PRSS12: variants seen among roughly 807,000 people sequenced by gnomAD.
PRSS12 encodes neurotrypsin.
Under a neutral mutation model 104.4 loss-of-function variants are expected in PRSS12, and 85 were observed. That is an observed-to-expected ratio of 0.81 (90% confidence interval 0.68 to 0.98). The LOEUF (loss-of-function observed/expected upper bound fraction) is 0.98, where lower values mean the gene tolerates loss of function less well. Ranked by LOEUF, PRSS12 falls within the 50% of genes least tolerant of loss-of-function variation. PRSS12 has a pLI of 0.00. For missense variants in PRSS12, 1,141 were observed against 1,139.2 expected (o/e 1.00, Z -0.02); for synonymous variants, 454 against 425.2 (o/e 1.07, Z -0.83).
chr4:118,297,665 T>A (rs921067616), intron 9 of PRSS12, among the ~76,000 whole-genome samples: 1 of 152,176 alleles, frequency 6.6e-6, no homozygotes, highest in Middle Eastern at 3.4e-3. Flanking sequence ...TGGCAGTTAT[T>A]AAAAGGTGTT....
chr4:118,301,532 A>C (rs1485963679), intron 8 of PRSS12, among the ~76,000 whole-genome samples: 2 of 151,924 alleles, frequency 1.3e-5, no homozygotes, highest in Non-Finnish European at 1.5e-5. Context: ...ATGCACACCA[A>C]GAAAAATGAA....
intron 6 of PRSS12, among the ~76,000 whole-genome samples, chr4:118,314,185 C>T (rs1467138228): frequency 6.6e-6 from 1 of 152,046 alleles, no homozygotes; most frequent in African/African-American, 2.4e-5. Flanking sequence ...CTTTAAGACA[C>T]CTTTCAGTTC....
chr4:118,318,645 A>T, intron 4 of PRSS12, 89 bp from the exon 5 acceptor site: 1 of 1,274,158 alleles, frequency 7.8e-7, no homozygotes, highest in Non-Finnish European at 1.1e-6. Context: ...AAGCATTATT[A>T]TTAATCCCCA....
rs1220771443 is a variant in PRSS12 at position 118,298,818 on chromosome 4, A to G, written c.1752T>C (p.Ile584=). 1.9e-6 allele frequency: 3 copies of G among 1,614,152 alleles called. No homozygotes were observed. The highest frequency in any genetic ancestry group is 2.2e-5 in the East Asian group (1 of 44,880). The change falls in exon 9 of 13, where the codon ATT becomes ATC. Residue 584 remains isoleucine (I), a synonymous_variant. Coordinates refer to ENST00000296498, the MANE Select transcript of PRSS12 (RefSeq NM_003619.4). Reference sequence around the variant, plus strand: ...CACTGTGGCGGCAGTTGTGTCTTCCAATATCTTGCTTGATACAGTCAGCCA... The same window carrying G: ...CACTGTGGCGGCAGTTGTGTCTTCCGATATCTTGCTTGATACAGTCAGCCA... ...RSLADCIKQD[I]GRHNCRHSED...
chr4:118,297,067 A>G (rs1743270219), intron 9 of PRSS12, among the ~76,000 whole-genome samples: 1 of 152,214 alleles, frequency 6.6e-6, no homozygotes, highest in Non-Finnish European at 1.5e-5. Flanking sequence ...ATTTTTTAAA[A>G]GAAAAATGAA....
chr4:118,292,670 G>T (rs1560765391), intron 11 of PRSS12, among the ~76,000 whole-genome samples: 1 of 152,096 alleles, frequency 6.6e-6, no homozygotes, highest in African/African-American at 2.4e-5. Context: ...TGCCACTCAG[G>T]TAACACAGGA....
chr4:118,352,365 A>T lies in PRSS12; in HGVS notation c.356T>A (p.Leu119Gln), dbSNP rs1724533088. 1 of 1,563,848 alleles carries T rather than the reference A, an allele frequency of 6.4e-7. No individual in the cohort carries two copies. Among genetic ancestry groups the T allele is most frequent in the Non-Finnish European group, 8.6e-7 (1 of 1,160,644 alleles). Residue 119 changes from leucine (L) to glutamine (Q), a missense_variant, in exon 1 of 13, where the codon CTG (leucine) becomes CAG (glutamine). By Grantham distance (113) the Leu-to-Gln change is moderately radical (BLOSUM62 -2). Coordinates refer to ENST00000296498, the MANE Select transcript of PRSS12 (RefSeq NM_003619.4). ...CCAGCTCGCTGGGGGCGACCGCTCCAGGAAGGGTGGCACCTCCGCCCACCG... is the reference window on the plus strand; with the variant it reads ...CCAGCTCGCTGGGGGCGACCGCTCCTGGAAGGGTGGCACCTCCGCCCACCG... The part of the protein sequence containing the change: ...CLRWAEVPPF[L>Q]ERSPPASWAQ...
In PRSS12 at chr4:118,316,197, C is replaced by T. The variant is rs138640682; in HGVS notation, c.1277G>A (p.Arg426Gln). 6.6e-5 allele frequency: 106 copies of T among 1,613,948 alleles called. 1 individual carries two copies. Among genetic ancestry groups the T allele is most frequent in the East Asian group, 3.8e-4 (17 of 44,852 alleles). Residue 426 changes from arginine (R) to glutamine (Q), a missense_variant, in exon 6 of 13, where the codon CGA becomes CAA. Physicochemically the swap from Arg to Gln is conservative, Grantham distance 43 (BLOSUM62 1). Coordinates refer to ENST00000296498, the MANE Select transcript of PRSS12 (RefSeq NM_003619.4). ...TGAACCTTACTTAAATCCCAATTGTCGACAAACCACGTATGTATTCAGCTC... is the reference window on the plus strand; with the variant it reads ...TGAACCTTACTTAAATCCCAATTGTTGACAAACCACGTATGTATTCAGCTC... ...WTELNTYVVCRQLGFKYGKQA... is the reference protein window; with the variant it reads ...WTELNTYVVCQQLGFKYGKQA...
intron 11 of PRSS12, among the ~76,000 whole-genome samples, chr4:118,293,971 C>A (rs1243568482): frequency 6.6e-6 from 1 of 152,036 alleles, no homozygotes; most frequent in East Asian, 1.9e-4. Context: ...CAGCAACAGG[C>A]GAATAAATAA....
At chr4:118,312,118 C>T (rs2126033411) in intron 7 of PRSS12, among the ~76,000 whole-genome samples, 1 of 152,254 alleles carries the variant, frequency 6.6e-6, no homozygotes, top group African/African-American at 2.4e-5. Context: ...TGGTATAATG[C>T]TAGATTAATG....
Position 118,341,936 on chromosome 4 carries a change from A to G in PRSS12, c.503-3622T>C, listed in dbSNP as rs371979222. ...GTTAGAGTTCACCATCCTACTGAAAATACTGCAACTAATCCACCAAATCTT... is the reference window on the plus strand; with the variant it reads ...GTTAGAGTTCACCATCCTACTGAAAGTACTGCAACTAATCCACCAAATCTT... On this transcript the variant is annotated intron_variant, in intron 1 of 12. Transcript: ENST00000296498. Among the ~76,000 whole-genome samples the G allele has an allele frequency of 5.3e-5, 8 of 152,330 alleles. No homozygotes were observed. In the South Asian group the frequency reaches 1.7e-3, roughly 32 times the overall value.
At chr4:118,322,546 T>C (rs1443364807) in intron 4 of PRSS12, among the ~76,000 whole-genome samples, 1 of 107,472 alleles carries the variant, frequency 9.3e-6, no homozygotes, top group Non-Finnish European at 1.9e-5. Flanking sequence ...CGAGACTCCA[T>C]CTTAAAAAAA....
rs199585969 is a variant in PRSS12, at chr4:118,352,696, C to T, written c.25G>A (p.Ala9Thr). The T allele has an allele frequency of 2.8e-5, 45 of 1,613,168 alleles. No individual in the cohort carries two copies. Among genetic ancestry groups the T allele is most frequent in the Admixed American group, 8.3e-5 (5 of 60,012 alleles). The change falls in exon 1 of 13, where the codon GCC (alanine) becomes ACC (threonine). Residue 9 changes from alanine (A) to threonine (T), a missense_variant. Transcript: ENST00000296498. The stretch of plus-strand genomic sequence containing the variant: ...TCGGGGAGCGCCCCTAACATCAGGG[C>T]TAGCACGAAGCGGGCGAGCGTCATG... MTLARFVL[A>T]LMLGALPEVV... is the part of the protein sequence containing the mutation.
intron 9 of PRSS12, 40 bp from the exon 10 acceptor site, chr4:118,295,896 C>T (rs1236553776): frequency 6.5e-7 from 1 of 1,544,412 alleles, no homozygotes; most frequent in Admixed American, 1.7e-5. Flanking sequence ...TATCACATTG[C>T]TGACAGAGGG....
chr4:118,349,727 G>A (rs1488123078), intron 1 of PRSS12, among the ~76,000 whole-genome samples: 1 of 152,198 alleles, frequency 6.6e-6, no homozygotes, highest in Non-Finnish European at 1.5e-5. Flanking sequence ...ATGAGGCCGG[G>A]AGCGGTGGCT....
intron 1 of PRSS12, among the ~76,000 whole-genome samples, chr4:118,343,696 C>T (rs577447947): frequency 6.6e-6 from 1 of 152,208 alleles, no homozygotes; most frequent in African/African-American, 2.4e-5. Context: ...TTCAAGGTTA[C>T]GATGAGCTAT....
chr4:118,299,764 TTAAATAAAATAAAATA>T (rs1743353406), intron 8 of PRSS12, among the ~76,000 whole-genome samples: 438 of 82,014 alleles, frequency 5.3e-3, no homozygotes, highest in Admixed American at 6.9e-3. Flanking sequence ...ATAAATAAAA[TTAAATAAAATAAAATA>T]AAATAAAATA....
Position 118,281,625 on chromosome 4 carries a change from A to G in PRSS12, c.*311T>C. On this transcript the variant is annotated 3_prime_UTR_variant, in exon 13 of 13. Transcript: ENST00000296498. ...TAAAAGGGGTTCTCAGTTCAAATGT[A>G]AAAATGATCTTTTGTAAAATCAGCA... 2.5e-6 allele frequency: 1 copy of G among 396,346 alleles called. No individual in the cohort carries two copies. Among genetic ancestry groups the G allele is most frequent in the Admixed American group, 3.8e-5 (1 of 26,498 alleles). The allele number at this position is 396,346 out of a possible 1,614,324, so 24.6% of individuals were successfully genotyped here.
chr4:118,352,305 C>A lies in PRSS12; in HGVS notation c.416G>T (p.Arg139Leu), dbSNP rs369553634. The change falls in exon 1 of 13, where the codon CGG becomes CTG. Residue 139 changes from arginine (R) to leucine (L), a missense_variant. By Grantham distance (102) the Arg-to-Leu change is moderately radical (BLOSUM62 -2). Transcript: ENST00000296498. ...GGGTCTGCCCGCGCCGTCGGGGCTC[C>A]GACAAAAGTTGTGGCGCTGTCCTCG... ...QLRGQRHNFC[R>L]SPDGAGRPWC... is the part of the protein sequence containing the mutation. 1.9e-6 allele frequency: 3 copies of A among 1,601,222 alleles called. No individual in the cohort carries two copies. The highest frequency in any genetic ancestry group is 2.6e-6 in the Non-Finnish European group (3 of 1,176,332).
Sources: allele counts gnomAD v4.1 joint callset (sites outside exome capture counted in the v4.1 genomes callset), GRCh38; gene constraint gnomAD v4.1.1; transcripts MANE v1.5; gene names NCBI Gene and HGNC (gene_info 2026-07-23, HGNC 2026-07-21).